The following FGF14 variants were observed in gnomAD, a reference collection of about 807,000 sequenced individuals.
FGF14 encodes fibroblast growth factor homologous factor 4.
Under a neutral mutation model 25.5 loss-of-function variants are expected in FGF14, and 5 were observed. That is an observed-to-expected ratio of 0.20 (90% CI 0.10 to 0.41). The LOEUF (loss-of-function observed/expected upper bound fraction) is 0.41, where lower values mean the gene tolerates loss of function less well. Ranked by LOEUF, FGF14 falls within the 10% of genes least tolerant of loss-of-function variation. FGF14 has a pLI of 1.00. For missense variants in FGF14, 222 were observed against 320.1 expected (o/e 0.69, Z 2.34); for synonymous variants, 138 against 118.3 (o/e 1.17, Z -1.08).
chr13:102,352,574 A>G (rs1436406282), intron 1 of FGF14, among the ~76,000 whole-genome samples: 1 of 152,166 alleles, frequency 6.6e-6, no homozygotes, highest in East Asian at 1.9e-4. Context: ...GCACGTTGGG[A>G]GGCCGAGGCG....
intron 1 of FGF14, among the ~76,000 whole-genome samples, chr13:102,188,456 A>G (rs1395581200): frequency 2.0e-5 from 3 of 152,192 alleles, no homozygotes; most frequent in Non-Finnish European, 4.4e-5. Context: ...AACCTCTCCA[A>G]GCTGTAATTT....
At chr13:101,860,560 T>C (rs2044362082) in intron 3 of FGF14, among the ~76,000 whole-genome samples, 1 of 152,076 alleles carries the variant, frequency 6.6e-6, no homozygotes, top group Admixed American at 6.6e-5. Context: ...GCCTGGGATA[T>C]ATATTCAAAA....
intron 3 of FGF14, among the ~76,000 whole-genome samples, chr13:101,765,930 T>C (rs1189368376): frequency 4.6e-5 from 7 of 152,066 alleles, no homozygotes; most frequent in Non-Finnish European, 1.0e-4. Context: ...GGTTTTGCCA[T>C]GTTGGCCAGG....
intron 1 of FGF14, among the ~76,000 whole-genome samples, chr13:102,109,908 C>T (rs1233919423): frequency 2.6e-5 from 4 of 152,136 alleles, no homozygotes; most frequent in Admixed American, 6.5e-5. Flanking sequence ...GCATGAGCCA[C>T]CACAGCCAGA....
At chr13:101,724,841 C>T (rs984392859) in intron 4 of FGF14, among the ~76,000 whole-genome samples, 6 of 151,298 alleles carry the variant, frequency 4.0e-5, no homozygotes, top group Non-Finnish European at 7.4e-5. Context: ...TTTTTGAAAA[C>T]ATAAAAAGTA....
intron 3 of FGF14, among the ~76,000 whole-genome samples, chr13:101,751,075 A>G (rs1042572772): frequency 2.0e-5 from 3 of 152,076 alleles, no homozygotes; most frequent in East Asian, 1.9e-4. Context: ...GTGAACACAC[A>G]GGATTTTTAG....
chr13:101,846,510 T>A (rs2043469636), intron 3 of FGF14, among the ~76,000 whole-genome samples: 1 of 152,056 alleles, frequency 6.6e-6, no homozygotes, highest in Non-Finnish European at 1.5e-5. Flanking sequence ...CTCTTAAATG[T>A]TCCCCTCTTC....
chr13:102,113,133 T>A (rs866224270), intron 1 of FGF14, among the ~76,000 whole-genome samples: 12 of 152,256 alleles, frequency 7.9e-5, no homozygotes, highest in Non-Finnish European at 1.5e-4. Flanking sequence ...ATGTACTTAC[T>A]TTAAGATCTA....
chr13:102,275,285 T>TCTCTCTCTCC (rs2053480166), intron 1 of FGF14, among the ~76,000 whole-genome samples: 1 of 148,436 alleles, frequency 6.7e-6, no homozygotes, highest in Non-Finnish European at 1.5e-5. Context: ...TCTCTCTCTC[T>TCTCTCTCTCC]CTGCCACTCT....
chr13:102,323,957 A>ATGTGTGTG lies in FGF14; in HGVS notation c.208+77506_208+77513dup, dbSNP rs3066051. Among the ~76,000 whole-genome samples the ATGTGTGTG allele has an allele frequency of 8.8e-3, 1,203 of 136,472 alleles. 8 individuals are homozygous for ATGTGTGTG. The highest frequency in any genetic ancestry group is 0.01 in the Non-Finnish European group (629 of 62,822). The allele number at this position is 136,472 out of a possible 152,430, so 89.5% of individuals were successfully genotyped here. A position where few individuals can be genotyped will look rare whatever the true frequency, so the allele number is the denominator to read the frequency against. The stretch of plus-strand genomic sequence containing the variant: ...TCTTTAAAGGATCCCAACGTGCAGT[A>ATGTGTGTG]TGTGTGTGTGTGTGTGTGTGTGTGT... On this transcript the variant is annotated intron_variant, in intron 1 of 4. Coordinates refer to the FGF14 transcript ENST00000376131.
chr13:101,944,943 A>G (rs2035708278), intron 1 of FGF14, among the ~76,000 whole-genome samples: 1 of 152,194 alleles, frequency 6.6e-6, no homozygotes, highest in Non-Finnish European at 1.5e-5. Flanking sequence ...TGCAACATGA[A>G]GAAAAGTTCT....
At chr13:101,916,268 C>T (rs1210700955) in intron 1 of FGF14, among the ~76,000 whole-genome samples, 185 bp downstream of exon 1, 1 of 152,252 alleles carries the variant, frequency 6.6e-6, no homozygotes, top group Non-Finnish European at 1.5e-5. Context: ...CTGCACTTCT[C>T]GGCGGCTACA....
intron 1 of FGF14, among the ~76,000 whole-genome samples, chr13:102,073,325 T>C (rs1359239037): frequency 9.2e-5 from 14 of 152,106 alleles, no homozygotes; most frequent in Admixed American, 9.2e-4. Flanking sequence ...GTTGCAGTGG[T>C]TTCTGAGTCT....
At chr13:101,978,687 A>C (rs1360280911) in intron 1 of FGF14, among the ~76,000 whole-genome samples, 1 of 152,218 alleles carries the variant, frequency 6.6e-6, no homozygotes, top group Non-Finnish European at 1.5e-5. Context: ...TTTATGGAAA[A>C]CAATGATAAT....
chr13:101,860,997 G>A (rs1290009322), intron 3 of FGF14, among the ~76,000 whole-genome samples: 1 of 152,026 alleles, frequency 6.6e-6, no homozygotes, highest in Non-Finnish European at 1.5e-5. Context: ...ATCCAAAATT[G>A]AGCATGTAGA....
chr13:102,179,795 T>G (rs1232395989), intron 1 of FGF14, among the ~76,000 whole-genome samples: 1 of 152,138 alleles, frequency 6.6e-6, no homozygotes, highest in East Asian at 1.9e-4. Flanking sequence ...TAACTAAAAT[T>G]TGAAGTATAT....
At chr13:102,031,512 A>G (rs896800290) in intron 1 of FGF14, among the ~76,000 whole-genome samples, 5 of 152,122 alleles carry the variant, frequency 3.3e-5, no homozygotes, top group East Asian at 3.9e-4. Context: ...GCTCAATTTA[A>G]TAACAGTTTA....
chr13:102,264,815 G>A (rs575946685), intron 1 of FGF14, among the ~76,000 whole-genome samples: 25 of 152,146 alleles, frequency 1.6e-4, no homozygotes, highest in African/African-American at 6.0e-4. Flanking sequence ...TCAGGAGGAG[G>A]GTATTAGGAC....
At chr13:101,764,997 A>T (rs1023157218) in intron 3 of FGF14, among the ~76,000 whole-genome samples, 4 of 152,122 alleles carry the variant, frequency 2.6e-5, no homozygotes, top group Non-Finnish European at 5.9e-5. Context: ...GTTTGTCATA[A>T]AGTCATGCTT....
Sources: gnomAD v4.1 joint callset for allele counts (sites outside exome capture counted in the v4.1 genomes callset) on GRCh38, gnomAD v4.1.1 for gene constraint, MANE v1.5 for transcripts, NCBI Gene and HGNC (gene_info 2026-07-23, HGNC 2026-07-21) for gene names.